CRACD: variants seen among roughly 807,000 people sequenced by gnomAD.
CRACD encodes the protein capping protein-inhibiting regulator of actin dynamics.
A neutral mutation model predicts 106.8 loss-of-function variants in CRACD; 56 were observed. That is an observed-to-expected ratio of 0.52 (90% CI 0.42 to 0.66). CRACD has a LOEUF of 0.66. Ranked by LOEUF, CRACD falls within the 30% of genes least tolerant of loss-of-function variation. The pLI is 0.00. For missense variants in CRACD, 1,730 were observed against 1,623.2 expected (o/e 1.07, Z -1.13); for synonymous variants, 754 against 670.8 (o/e 1.12, Z -1.92).
chr4:56,327,566 A>T, intron 10 of CRACD, 78 bp from the exon 11 acceptor site: 1 of 1,262,960 alleles, frequency 7.9e-7, no homozygotes, highest in Non-Finnish European at 1.1e-6. Flanking sequence ...TACATAGTTT[A>T]TCATCTGTTA....
chr4:56,118,201 C>T (rs982690008), intron 1 of CRACD, among the ~76,000 whole-genome samples: 2 of 152,218 alleles, frequency 1.3e-5, no homozygotes, highest in Non-Finnish European at 2.9e-5. Context: ...AGGCTAATCA[C>T]TTACGAACCA....
chr4:56,283,654 C>T (rs1043642404), intron 3 of CRACD, among the ~76,000 whole-genome samples: 11 of 152,152 alleles, frequency 7.2e-5, no homozygotes, highest in Non-Finnish European at 5.9e-5. Flanking sequence ...GCTCACTGTG[C>T]GGCCTAATGG....
chr4:56,310,989 A>C, intron 6 of CRACD: 1 of 465,780 alleles, frequency 2.1e-6, no homozygotes, highest in Non-Finnish European at 3.9e-6. Flanking sequence ...GGGTCCTAGA[A>C]GTTGGTAGCT....
chr4:56,080,741 T>C lies in CRACD; in HGVS notation c.-336+31442T>C, dbSNP rs978118683. Among the ~76,000 whole-genome samples the C allele has an allele frequency of 3.0e-4, 45 of 152,132 alleles. 1 individual carries two copies. The highest frequency in any genetic ancestry group is 8.8e-5 in the Non-Finnish European group (6 of 68,024). On this transcript the variant is annotated intron_variant, in intron 1 of 10. Coordinates refer to ENST00000682029, the MANE Select transcript of CRACD (RefSeq NM_001393381.1). ...GATAGAATTACAAAATAAAGGCCCC[T>C]CTCCCTTCAGCAGATTGTTTCAGTG...
At chr4:56,151,816 T>C (rs995815959) in intron 1 of CRACD, among the ~76,000 whole-genome samples, 1 of 152,148 alleles carries the variant, frequency 6.6e-6, no homozygotes, top group Non-Finnish European at 1.5e-5. Context: ...TCTCAGTTTA[T>C]GATTGGCTGT....
chr4:56,072,011 C>T (rs1732673039), intron 1 of CRACD, among the ~76,000 whole-genome samples: 1 of 151,540 alleles, frequency 6.6e-6, no homozygotes, highest in African/African-American at 2.4e-5. Context: ...GCCTGTAGTC[C>T]CAGCTACGCG....
Position 56,192,102 on chromosome 4 carries a change from G to A in CRACD, c.-189+12672G>A, listed in dbSNP as rs146492725. Among the ~76,000 whole-genome samples the A allele has an allele frequency of 4.3e-3, 652 of 152,246 alleles. 2 individuals are homozygous for A. Among genetic ancestry groups the A allele is most frequent in the African/African-American group, 0.015 (617 of 41,530 alleles). Reference sequence around the variant, plus strand: ...GATAAGTTTACTCTTTATTCAAGAAGGTATACTGGCCAGGCGCATTGGCTC... The same window carrying A: ...GATAAGTTTACTCTTTATTCAAGAAAGTATACTGGCCAGGCGCATTGGCTC... On this transcript the variant is annotated intron_variant, in intron 2 of 10. Coordinates refer to ENST00000682029, the MANE Select transcript of CRACD (RefSeq NM_001393381.1).
intron 1 of CRACD, among the ~76,000 whole-genome samples, chr4:56,128,896 G>C (rs890036056): frequency 1.3e-5 from 2 of 151,928 alleles, no homozygotes; most frequent in Non-Finnish European, 2.9e-5. Context: ...TATTGTTTGG[G>C]TCAGTAAGAA....
intron 1 of CRACD, among the ~76,000 whole-genome samples, chr4:56,055,517 G>A (rs975711863): frequency 7.9e-5 from 12 of 151,972 alleles, no homozygotes; most frequent in Admixed American, 6.6e-4. Flanking sequence ...ATGTTCTTAG[G>A]GAAGATTGTG....
chr4:56,239,791 C>T (rs1260796445), intron 2 of CRACD, among the ~76,000 whole-genome samples: 2 of 152,134 alleles, frequency 1.3e-5, no homozygotes, highest in Non-Finnish European at 2.9e-5. Flanking sequence ...CGCTCCCACC[C>T]CCTGCCCCAG....
chr4:56,316,413 ACCCCACCAGCAT>A lies in CRACD; in HGVS notation c.2918_2929del (p.Pro973_Pro976del), dbSNP rs770488116. ...ACTGGCTCCCAAGCCCACCAGTCAG[ACCCCACCAGCAT>A]CCCCACTTTCCAAACTGAGCAGGCC... is the stretch of plus-strand genomic sequence containing the variant. On this transcript the variant is annotated inframe_deletion, in exon 8 of 11. Transcript: ENST00000682029. The A allele has an allele frequency of 6.2e-7, 1 of 1,614,104 alleles. No homozygotes were observed. The highest frequency in any genetic ancestry group is 1.1e-5 in the South Asian group (1 of 91,088).
chr4:56,226,756 A>G (rs1739322789), intron 2 of CRACD, among the ~76,000 whole-genome samples: 2 of 151,698 alleles, frequency 1.3e-5, no homozygotes, highest in Admixed American at 1.3e-4. Flanking sequence ...TGAGTTCGCT[A>G]TTTGTTCCCA....
intron 2 of CRACD, among the ~76,000 whole-genome samples, chr4:56,230,153 C>T (rs1739532745): frequency 6.6e-6 from 1 of 152,166 alleles, no homozygotes; most frequent in African/African-American, 2.4e-5. Flanking sequence ...TATAGGTCTT[C>T]TTCCTCTTTG....
chr4:56,241,307 C>T (rs1577789330), intron 2 of CRACD, among the ~76,000 whole-genome samples: 1 of 151,770 alleles, frequency 6.6e-6, no homozygotes, highest in African/African-American at 2.4e-5. Context: ...TTTATCTGAC[C>T]ATCAATCAGT....
chr4:56,172,834 G>A (rs1012914071), intron 1 of CRACD, among the ~76,000 whole-genome samples: 4 of 152,180 alleles, frequency 2.6e-5, no homozygotes, highest in Admixed American at 6.5e-5. Flanking sequence ...ATGTTGGCCA[G>A]GATGGTCTCG....
chr4:56,058,950 C>T (rs1336566916), intron 1 of CRACD, among the ~76,000 whole-genome samples: 1 of 152,060 alleles, frequency 6.6e-6, no homozygotes, highest in Non-Finnish European at 1.5e-5. Context: ...TGAGAAGGGC[C>T]ACTGTGCATT....
At position 56,327,707 on chromosome 4, in the gene CRACD, C is replaced by T. The variant is rs753638094; in HGVS notation, c.3605C>T (p.Thr1202Ile). Residue 1202 changes from threonine (T) to isoleucine (I), a missense_variant, in exon 11 of 11, where the codon ACC (threonine) becomes ATC (isoleucine). Physicochemically the swap from Thr to Ile is moderately conservative, Grantham distance 89 (BLOSUM62 -1). This residue lies in a region of CRACD where 89 missense variants were observed against 89.6 expected (regional missense o/e 0.99). Transcript: ENST00000682029. ...LVKEVTKRFS[T>I]PDAAPVSTEP... ...AAAGAAGTCACCAAGAGGTTTTCCA[C>T]CCCGGATGCTGCCCCCGTGTCAACA... is the stretch of plus-strand genomic sequence containing the variant. 2 of 1,614,056 alleles carry T rather than the reference C, an allele frequency of 1.2e-6. No homozygotes were observed. The highest frequency in any genetic ancestry group is 1.7e-6 in the Non-Finnish European group (2 of 1,180,026).
chr4:56,237,869 G>A (rs1018122985), intron 2 of CRACD, among the ~76,000 whole-genome samples: 4 of 151,544 alleles, frequency 2.6e-5, no homozygotes, highest in Non-Finnish European at 5.9e-5. Flanking sequence ...GATATGTATA[G>A]ATATAACCCA....
At chr4:56,110,262 G>A (rs538628743) in intron 1 of CRACD, among the ~76,000 whole-genome samples, 2 of 152,172 alleles carry the variant, frequency 1.3e-5, no homozygotes, top group African/African-American at 2.4e-5. Context: ...CGAAAATTCT[G>A]TCTTTAGGCA....
Sources: gnomAD v4.1 joint callset for allele counts (sites outside exome capture counted in the v4.1 genomes callset) on GRCh38, gnomAD v4.1.1 for gene constraint, gnomAD v4.1.1 regional missense constraint, MANE v1.5 for transcripts, NCBI Gene and HGNC (gene_info 2026-07-23, HGNC 2026-07-21) for gene names.